The following HEBP1 variants were observed in gnomAD, a reference collection of about 807,000 sequenced individuals.
HEBP1 encodes the protein heme binding protein 1.
Under a neutral mutation model 20.4 loss-of-function variants are expected in HEBP1, and 13 were observed. The ratio of observed to expected loss-of-function variants is 0.64; its 90% confidence interval spans 0.42 to 1.01. The LOEUF is 1.01. HEBP1 is among the 50% of genes least tolerant of loss of function. The pLI is 0.00. For synonymous variants in HEBP1, 92 were observed against 90.7 expected, an observed-to-expected ratio of 1.01 and a Z score of -0.08; for missense variants, 241 against 247.3, an observed-to-expected ratio of 0.97 and a Z score of 0.17.
At chr12:12,980,725 G>A (rs1864069495) in intron 3 of HEBP1, among the ~76,000 whole-genome samples, 1 of 152,204 alleles carries the variant, frequency 6.6e-6, no homozygotes, top group African/African-American at 2.4e-5. Flanking sequence ...CTGAGATCAG[G>A]TTGACATGGG....
chr12:12,984,565 T>C (rs1332777728), intron 3 of HEBP1: 1 of 152,048 alleles, frequency 6.6e-6, no homozygotes, highest in African/African-American at 2.4e-5. Context: ...AGACAAATGA[T>C]CCACAGATGG....
chr12:12,979,781 T>G (rs1401332644), intron 3 of HEBP1: 1 of 152,230 alleles, frequency 6.6e-6, no homozygotes, highest in African/African-American at 2.4e-5. Flanking sequence ...TCACCCAATG[T>G]CAGAGCTCAG....
rs1412203827 is a variant in HEBP1, at chr12:12,976,097, AAAC to A, written c.399-621_399-619del. Among the ~76,000 whole-genome samples the A allele has an allele frequency of 1.5e-4, 23 of 150,302 alleles. No homozygotes were observed. The East Asian group carries it at 1.5e-3, about 10-fold the overall frequency. On this transcript the variant is annotated intron_variant, in intron 3 of 3. Transcript: ENST00000014930. ...TGTGTCAAAAAAAAAAAAAAAAAAA[AAAC>A]AAACCAAAAACCAAAACTAAAAAAG...
intron 1 of HEBP1, 73 bp downstream of exon 1, chr12:12,999,964 C>A: frequency 9.5e-7 from 1 of 1,054,164 alleles, no homozygotes; most frequent in Non-Finnish European, 1.4e-6. Context: ...CCCTCAGCAC[C>A]CGCTGCAGCC....
intron 3 of HEBP1, among the ~76,000 whole-genome samples, chr12:12,975,684 T>C (rs1456736636): frequency 6.6e-6 from 1 of 152,120 alleles, no homozygotes; most frequent in East Asian, 1.9e-4. Context: ...ATATATTTTC[T>C]TTTTCCTCTA....
rs115575208 is a variant in HEBP1 at position 12,975,771 on chromosome 12, G to A, written c.399-292C>T. 1.7e-3 allele frequency among the ~76,000 whole-genome samples: 256 copies of A among 152,232 alleles called. 3 individuals are homozygous for A. Among genetic ancestry groups the A allele is most frequent in the African/African-American group, 5.9e-3 (245 of 41,530 alleles). ...CCTGAAACAGTAGCTGAGTATAAACGTGAGCCTCCCTTTCTTTCCTGAAAT... is the reference window on the plus strand; with the variant it reads ...CCTGAAACAGTAGCTGAGTATAAACATGAGCCTCCCTTTCTTTCCTGAAAT... On this transcript the variant is annotated intron_variant, in intron 3 of 3. Coordinates refer to ENST00000014930, the MANE Select transcript of HEBP1 (RefSeq NM_015987.5).
chr12:12,990,741 G>A (rs1016137058), intron 1 of HEBP1, among the ~76,000 whole-genome samples: 6 of 152,182 alleles, frequency 3.9e-5, no homozygotes, highest in Non-Finnish European at 7.4e-5. Context: ...TTACAATTTA[G>A]AGGTCATGCA....
rs1027468645 is a variant in HEBP1, at chr12:12,975,742, G to A, written c.399-263C>T. 1.4e-4 allele frequency among the ~76,000 whole-genome samples: 21 copies of A among 152,094 alleles called. 1 individual carries two copies. The highest frequency in any genetic ancestry group is 1.4e-4 in the African/African-American group (6 of 41,412). ...TAATGGACGTGAAAAACTCTAATGC[G>A]GGGCCTGAAACAGTAGCTGAGTATA... On this transcript the variant is annotated intron_variant, in intron 3 of 3. Coordinates refer to ENST00000014930, the MANE Select transcript of HEBP1 (RefSeq NM_015987.5).
chr12:12,978,264 G>T (rs1253123873), intron 3 of HEBP1, among the ~76,000 whole-genome samples: 1 of 125,442 alleles, frequency 8.0e-6, no homozygotes, highest in South Asian at 2.6e-4. Context: ...AGGCTGAAGT[G>T]CAGTGGCGCA....
intron 3 of HEBP1, among the ~76,000 whole-genome samples, chr12:12,978,688 G>C (rs1176037736): frequency 2.0e-5 from 3 of 152,086 alleles, no homozygotes; most frequent in Non-Finnish European, 4.4e-5. Flanking sequence ...GTACCTGTAT[G>C]TGGAGGGAGG....
At chr12:12,983,560 A>G (rs1469245341) in intron 3 of HEBP1, 1 of 388,062 alleles carries the variant, frequency 2.6e-6, no homozygotes, top group Admixed American at 2.9e-5. Context: ...CCATCTCATT[A>G]ACATTGCTTT....
rs11055186 is a variant in HEBP1, at chr12:12,996,036, G to A, written c.78+4001C>T. 0.027 allele frequency among the ~76,000 whole-genome samples: 4,063 copies of A among 152,212 alleles called. 144 individuals carry two copies. The highest frequency in any genetic ancestry group is 0.15 in the East Asian group (784 of 5,180). On this transcript the variant is annotated intron_variant, in intron 1 of 3. Coordinates refer to ENST00000014930, the MANE Select transcript of HEBP1 (RefSeq NM_015987.5). The surrounding 1 kb of genome is among the most constrained non-coding windows in gnomAD (Gnocchi z 4.1). The stretch of plus-strand genomic sequence containing the variant: ...TGTAGTGGGTATACATGCTAATGTT[G>A]GAAACCTGCTTTCTCATTACAAGAA...
Position 12,979,777 on chromosome 12 carries a change from A to C in HEBP1, c.399-4298T>G, listed in dbSNP as rs1467327452. 3 of 152,218 alleles carry C rather than the reference A, an allele frequency of 2.0e-5. No individual in the cohort carries two copies. The East Asian group carries it at 5.8e-4, about 29-fold the overall frequency. The allele number at this position is 152,218 out of a possible 1,614,324, so 9.4% of individuals were successfully genotyped here. On this transcript the variant is annotated intron_variant, in intron 3 of 3. Coordinates refer to ENST00000014930, the MANE Select transcript of HEBP1 (RefSeq NM_015987.5). ...TCCAGGGCAGTGTTTTATCTCACCC[A>C]ATGTCAGAGCTCAGTATTCTGAATA...
intron 1 of HEBP1, among the ~76,000 whole-genome samples, chr12:12,995,065 A>G (rs1020743778): frequency 6.6e-6 from 1 of 152,130 alleles, no homozygotes; most frequent in African/African-American, 2.4e-5. Flanking sequence ...CTTTGATGCC[A>G]TGGTCATTTC....
chr12:12,997,753 C>T (rs850940), intron 1 of HEBP1, among the ~76,000 whole-genome samples: 46,725 of 152,060 alleles, frequency 0.31, 7,919 homozygotes, highest in East Asian at 0.6. Flanking sequence ...GACCCCTCTC[C>T]GCCTGTGTGG....
At chr12:12,983,734 A>G (rs968331495) in intron 3 of HEBP1, 1 of 455,980 alleles carries the variant, frequency 2.2e-6, no homozygotes, top group Admixed American at 2.3e-5. Flanking sequence ...TGGCACTTTC[A>G]GCTGTTTAGA....
Position 12,975,156 on chromosome 12 carries a change from C to G in HEBP1, c.*152G>C, listed in dbSNP as rs539452125. 2 of 667,608 alleles carry G rather than the reference C, an allele frequency of 3.0e-6. No homozygotes were observed. Among genetic ancestry groups the G allele is most frequent in the South Asian group, 1.8e-5 (1 of 54,512 alleles). 41.4% of individuals were successfully genotyped at this position (667,608 alleles called of 1,614,324 possible). On this transcript the variant is annotated 3_prime_UTR_variant, in exon 4 of 4. Transcript: ENST00000014930. ...AAAGAGACTTAGTATATGGAACATG[C>G]TTTTTTCAGAAAATTGGCAGTAACT...
chr12:12,981,762 A>C (rs997762985), intron 3 of HEBP1, among the ~76,000 whole-genome samples: 1 of 152,142 alleles, frequency 6.6e-6, no homozygotes, highest in African/African-American at 2.4e-5. Flanking sequence ...TGAATGAAGG[A>C]ATGAACGAGT....
chr12:12,994,192 T>C (rs1308189631), intron 1 of HEBP1, among the ~76,000 whole-genome samples: 1 of 151,924 alleles, frequency 6.6e-6, no homozygotes, highest in African/African-American at 2.4e-5. Context: ...CGAGGAGGGG[T>C]CAAGAACAGT....
Sources: allele counts gnomAD v4.1 joint callset (sites outside exome capture counted in the v4.1 genomes callset), GRCh38; gene constraint gnomAD v4.1.1; non-coding constraint Gnocchi (gnomAD v3.1); transcripts MANE v1.5; gene names NCBI Gene and HGNC (gene_info 2026-07-23, HGNC 2026-07-21).